The following ZSWIM4 variants were observed in gnomAD, a reference collection of about 807,000 sequenced individuals.
ZSWIM4 encodes the protein zinc finger SWIM-type containing 4, also known as zinc finger SWIM domain-containing protein 4.
ZSWIM4 carries 62 observed loss-of-function variants against 102.5 expected under a neutral mutation model. The observed-to-expected ratio is 0.60, with a 90% CI of 0.49 to 0.75. The LOEUF (loss-of-function observed/expected upper bound fraction) is 0.75, where lower values mean the gene tolerates loss of function less well. Ranked by LOEUF, ZSWIM4 falls within the 30% of genes least tolerant of loss-of-function variation. The pLI is 0.00. For synonymous variants in ZSWIM4, 652 were observed against 674.5 expected (o/e 0.97, Z 0.52); for missense variants, 1,280 against 1,529.6 (o/e 0.84, Z 2.72).
Position 13,830,192 on chromosome 19 carries a change from C to A in ZSWIM4, c.2463C>A (p.Gly821=), listed in dbSNP as rs746936963. 6.2e-6 allele frequency: 10 copies of A among 1,605,894 alleles called. No individual in the cohort carries two copies. In the African/African-American group the frequency reaches 9.4e-5, roughly 15 times the overall value. ...TTTCCCTCCCTCACCTCCCACCAGG[C>A]CCGCAAGCCCTGATGAATATCATGC... ...RWLVSCATEI[G]PQALMNIMQN... The change falls in exon 14 of 14, where the codon GGC becomes GGA. Residue 821 remains glycine, a splice_region_variant and synonymous_variant. Transcript: ENST00000590508.
At position 13,830,799 on chromosome 19, in the gene ZSWIM4, G is replaced by A; in HGVS notation, c.3070G>A (p.Ala1024Thr). 1 of 1,604,860 alleles carries A rather than the reference G, an allele frequency of 6.2e-7. No individual in the cohort carries two copies. The highest frequency in any genetic ancestry group is 8.5e-7 in the Non-Finnish European group (1 of 1,175,048). The stretch of plus-strand genomic sequence containing the variant: ...ACGCCGGGCCGCCAAGCCACTGGGT[G>A]CCGACCGGGCGCCGCTCTGCCAGCT... ...GARRAAKPLG[A>T]DRAPLCQLLD... is the part of the protein sequence containing the mutation. Residue 1024 changes from alanine to threonine, a missense_variant, in exon 14 of 14, where the codon GCC becomes ACC. Physicochemically the swap from Ala to Thr is moderately conservative, Grantham distance 58 (BLOSUM62 0). Transcript: ENST00000590508.
At chr19:13,819,654 A>ACTATTTAT (rs568386720) in intron 10 of ZSWIM4, among the ~76,000 whole-genome samples, 162 bp downstream of exon 10, 1 of 150,336 alleles carries the variant, frequency 6.7e-6, no homozygotes, top group South Asian at 2.1e-4. Flanking sequence ...TTTCATTATT[A>ACTATTTAT]TTATTTATTT....
intron 1 of ZSWIM4, 37 bp downstream of exon 1, chr19:13,795,838 C>T (rs777029663): frequency 3.4e-6 from 4 of 1,192,054 alleles, no homozygotes; most frequent in African/African-American, 3.2e-5. Flanking sequence ...CAGGGACGCA[C>T]CCCCAGCACC....
chr19:13,807,570 AGATGGATGGATGGATGGATG>A (rs56365536), intron 3 of ZSWIM4, among the ~76,000 whole-genome samples: 7 of 141,032 alleles, frequency 5.0e-5, no homozygotes, highest in South Asian at 2.4e-4. Flanking sequence ...GTTTTGGGCA[AGATGGATGGATGGATGGATG>A]GATGGATGGA....
intron 2 of ZSWIM4, among the ~76,000 whole-genome samples, chr19:13,803,924 C>A (rs1043551339): frequency 1.3e-5 from 2 of 149,902 alleles, no homozygotes; most frequent in African/African-American, 4.9e-5. Flanking sequence ...TGCAATGGTG[C>A]GATCTCAGCT....
In ZSWIM4 at chr19:13,830,637, C is replaced by T. The variant is rs890974445; in HGVS notation, c.2908C>T (p.Leu970Phe). The T allele has an allele frequency of 1.2e-6, 2 of 1,601,036 alleles. No homozygotes were observed. The highest frequency in any genetic ancestry group is 1.7e-6 in the Non-Finnish European group (2 of 1,179,806). ...AVNDVLWACS[L>F]SHSLGRHELS... is the part of the protein sequence containing the mutation. ...CAACGACGTGCTTTGGGCCTGCTCTCTCAGCCACTCCCTGGGCCGGCACGA... is the reference window on the plus strand; with the variant it reads ...CAACGACGTGCTTTGGGCCTGCTCTTTCAGCCACTCCCTGGGCCGGCACGA... The change falls in exon 14 of 14, where the codon CTC becomes TTC. Residue 970 changes from leucine (L) to phenylalanine (F), a missense_variant. Coordinates refer to ENST00000590508, the MANE Select transcript of ZSWIM4 (RefSeq NM_001367834.3).
At chr19:13,802,467 C>T (rs1440403209) in intron 2 of ZSWIM4, among the ~76,000 whole-genome samples, 1 of 151,618 alleles carries the variant, frequency 6.6e-6, no homozygotes, top group Non-Finnish European at 1.5e-5. Flanking sequence ...GTAATCCCAG[C>T]TACTTGAGAG....
chr19:13,820,516 G>A lies in ZSWIM4; in HGVS notation c.2060+1024G>A, dbSNP rs140283014. Among the ~76,000 whole-genome samples, 120 of 152,314 alleles carry A rather than the reference G, an allele frequency of 7.9e-4. 1 individual carries two copies. In the East Asian group the frequency reaches 0.017, roughly 22 times the overall value. On this transcript the variant is annotated intron_variant, in intron 10 of 13. Coordinates refer to ENST00000590508, the MANE Select transcript of ZSWIM4 (RefSeq NM_001367834.3). ...TTTCCAAAGCTCTGGGATTACAGGC[G>A]TGAGCCACTGCACCTGGCTAAATGT...
rs931640790 is a variant in ZSWIM4 at position 13,809,053 on chromosome 19, C to G, written c.862-17C>G. ...CGGACGCCCCAGCCCTTCCTCACCA[C>G]CCTGTCCCCGGCACAGGTGCGGGAG... On this transcript the variant is annotated splice_polypyrimidine_tract_variant and intron_variant, in intron 4 of 13. Coordinates refer to ENST00000590508, the MANE Select transcript of ZSWIM4 (RefSeq NM_001367834.3). The surrounding 1 kb of genome is among the most constrained non-coding windows in gnomAD (Gnocchi z 4.2). 2 of 1,610,246 alleles carry G rather than the reference C, an allele frequency of 1.2e-6. No homozygotes were observed. Among genetic ancestry groups the G allele is most frequent in the Non-Finnish European group, 8.5e-7 (1 of 1,177,332 alleles).
rs775356521 is a variant in ZSWIM4 at position 13,804,805 on chromosome 19, C to T, written c.369C>T (p.Ser123=). The change falls in exon 3 of 14, where the codon AGC becomes AGT. Residue 123 remains serine (S), a synonymous_variant. Transcript: ENST00000590508. ...DRVLQVGFHL[S]GNIREPGSPG... is the part of the protein sequence containing the mutation. ...CTTTGATCCTAGGATTCCACCTGAG[C>T]GGAAACATCCGCGAGCCAGGGAGTC... The T allele has an allele frequency of 6.9e-6, 11 of 1,587,152 alleles. No individual in the cohort carries two copies. The highest frequency in any genetic ancestry group is 1.7e-4 in the Middle Eastern group (1 of 5,952).
intron 13 of ZSWIM4, among the ~76,000 whole-genome samples, chr19:13,829,118 G>A (rs549342238): frequency 1.3e-5 from 2 of 149,588 alleles, no homozygotes; most frequent in East Asian, 2.0e-4. Flanking sequence ...AAAAAAAAGA[G>A]AGAGAGAGAG....
Position 13,812,990 on chromosome 19 carries a change from TC to T in ZSWIM4, c.1013-5del. 6.3e-7 allele frequency: 1 copy of T among 1,598,102 alleles called. No homozygotes were observed. Among genetic ancestry groups the T allele is most frequent in the Non-Finnish European group, 8.6e-7 (1 of 1,168,500 alleles). ...AGGAATATTGAGCCTGCCCCGTGCCTCCTCAGGGGCCCTGTGGGTTTGCGTC... is the reference window on the plus strand; with the variant it reads ...AGGAATATTGAGCCTGCCCCGTGCCTCTCAGGGGCCCTGTGGGTTTGCGTC... On this transcript the variant is annotated splice_region_variant and splice_polypyrimidine_tract_variant and intron_variant, in intron 5 of 13. Transcript: ENST00000590508.
intron 10 of ZSWIM4, among the ~76,000 whole-genome samples, chr19:13,821,830 G>C (rs930688432): frequency 1.3e-5 from 2 of 151,866 alleles, no homozygotes; most frequent in Non-Finnish European, 2.9e-5. Flanking sequence ...CAAACCTCCC[G>C]GGTTCAAGTG....
chr19:13,826,994 A>G (rs953491092), intron 12 of ZSWIM4, among the ~76,000 whole-genome samples: 1 of 152,036 alleles, frequency 6.6e-6, no homozygotes, highest in Non-Finnish European at 1.5e-5. Context: ...CTAAGAAGAT[A>G]AGGAATAGGG....
intron 2 of ZSWIM4, among the ~76,000 whole-genome samples, chr19:13,803,193 C>A (rs1974820185): frequency 6.6e-6 from 1 of 152,202 alleles, no homozygotes; most frequent in African/African-American, 2.4e-5. Context: ...GGGCTCCTTG[C>A]CACCTCCAGC....
At chr19:13,813,932 A>AAAAG (rs1243551795) in intron 6 of ZSWIM4, among the ~76,000 whole-genome samples, 1 of 151,456 alleles carries the variant, frequency 6.6e-6, no homozygotes, top group Non-Finnish European at 1.5e-5. Flanking sequence ...AAAAAAAAAA[A>AAAAG]AAAGAAAGAA....
chr19:13,809,015 C>G lies in ZSWIM4; in HGVS notation c.861+31C>G, dbSNP rs761365963. 2 of 1,607,656 alleles carry G rather than the reference C, an allele frequency of 1.2e-6. No homozygotes were observed. Among genetic ancestry groups the G allele is most frequent in the African/African-American group, 2.7e-5 (2 of 74,760 alleles). Reference sequence around the variant, plus strand: ...GTGCGGGCCGGCGGGGCGCGGGGTGCAGAAGGCCCCGGCGGACGCCCCAGC... The same window carrying G: ...GTGCGGGCCGGCGGGGCGCGGGGTGGAGAAGGCCCCGGCGGACGCCCCAGC... On this transcript the variant is annotated intron_variant, in intron 4 of 13. Transcript: ENST00000590508. The surrounding 1 kb of genome is among the most constrained non-coding windows in gnomAD (Gnocchi z 4.2).
rs58833466 is a variant in ZSWIM4, at chr19:13,801,155, G to GAAAAA, written c.355+1241_355+1245dup. On this transcript the variant is annotated intron_variant, in intron 2 of 13. Transcript: ENST00000590508. ...GAGATGCTATCTCAAAGAGAAAAAA[G>GAAAAA]AAAAAAAAAAAGGAAGAGAGGTGAG... Among the ~76,000 whole-genome samples the GAAAAA allele has an allele frequency of 1.3e-3, 187 of 140,198 alleles. 1 individual carries two copies. The highest frequency in any genetic ancestry group is 4.1e-3 in the African/African-American group (155 of 37,960). The allele number at this position is 140,198 out of a possible 152,430, so 92.0% of individuals were successfully genotyped here.
In ZSWIM4 at chr19:13,825,680, G is replaced by A. The variant is rs756475435; in HGVS notation, c.2346G>A (p.Thr782=). 6.8e-6 allele frequency: 11 copies of A among 1,612,348 alleles called. No individual in the cohort carries two copies. Among genetic ancestry groups the A allele is most frequent in the South Asian group, 3.3e-5 (3 of 91,078 alleles). Residue 782 remains threonine, a synonymous_variant, in exon 12 of 14, where the codon ACG becomes ACA. Transcript: ENST00000590508. This position sits in a 1 kb window ranked among gnomAD's most constrained non-coding sequence, Gnocchi z 4.6. ...ATPVSAPPDT[T]LLGIALELGL... ...CGGTCAGCGCCCCACCAGACACCACGCTGCTGGGCATCGCACTGGAGCTGG... is the reference window on the plus strand; with the variant it reads ...CGGTCAGCGCCCCACCAGACACCACACTGCTGGGCATCGCACTGGAGCTGG...
Sources: gnomAD v4.1 joint callset for allele counts (sites outside exome capture counted in the v4.1 genomes callset) on GRCh38, gnomAD v4.1.1 for gene constraint, Gnocchi (gnomAD v3.1) non-coding constraint, MANE v1.5 for transcripts, NCBI Gene and HGNC (gene_info 2026-07-23, HGNC 2026-07-21) for gene names.